The following ERICH1 variants were observed in gnomAD, a reference collection of about 807,000 sequenced individuals.
ERICH1 encodes the protein glutamate-rich protein 1.
In ERICH1, 56 loss-of-function variants were observed where a neutral mutation model predicts 39.6. That is an observed-to-expected ratio of 1.41 (90% CI 1.14 to 1.77). The LOEUF (loss-of-function observed/expected upper bound fraction) is 1.77, where lower values mean the gene tolerates loss of function less well. ERICH1 is among the 40% of genes most tolerant of loss of function. The pLI, the probability that ERICH1 is intolerant of heterozygous loss-of-function variation, is 0.00. For synonymous variants in ERICH1, 313 were observed against 223.6 expected, an observed-to-expected ratio of 1.40 and a Z score of -3.57; for missense variants, 826 against 575.4, an observed-to-expected ratio of 1.44 and a Z score of -4.45.
intron 2 of ERICH1, among the ~76,000 whole-genome samples, chr8:704,860 G>C (rs1453120613): frequency 6.6e-6 from 1 of 152,118 alleles, no homozygotes; most frequent in Non-Finnish European, 1.5e-5. Flanking sequence ...AGAGCTGGAG[G>C]GTGTGTGACT....
intron 3 of ERICH1, among the ~76,000 whole-genome samples, chr8:634,168 CAAAA>C (rs56687918): frequency 2.2e-5 from 2 of 92,002 alleles, no homozygotes; most frequent in African/African-American, 8.0e-5. Context: ...TCCTAAAACT[CAAAA>C]AAAAAAAAAA....
intron 3 of ERICH1, among the ~76,000 whole-genome samples, chr8:687,678 G>A (rs1344459228): frequency 3.3e-5 from 5 of 152,166 alleles, no homozygotes; most frequent in Non-Finnish European, 2.9e-5. Context: ...GAGGCAGGAC[G>A]CAGCGCTGAC....
chr8:694,881 C>T (rs1240115277), intron 2 of ERICH1, among the ~76,000 whole-genome samples: 2 of 152,142 alleles, frequency 1.3e-5, no homozygotes, highest in African/African-American at 2.4e-5. Context: ...TCTCCTCCGC[C>T]GGACGCACAG....
At chr8:620,806 GAGA>G (rs143887727) in intron 3 of ERICH1, among the ~76,000 whole-genome samples, 3,401 of 152,234 alleles carry the variant, frequency 0.022, 111 homozygotes, top group African/African-American at 0.077. Context: ...AAATTGAAGG[GAGA>G]AGTAGACAAT....
chr8:668,444 G>C (rs771548560), intron 5 of ERICH1, 154 bp downstream of exon 5: 14 of 682,112 alleles, frequency 2.1e-5, no homozygotes, highest in Non-Finnish European at 3.3e-5. Flanking sequence ...GATGCAGGAA[G>C]CCTGTTTCTC....
At chr8:719,083 G>A (rs914224778) in intron 1 of ERICH1, among the ~76,000 whole-genome samples, 13 of 152,140 alleles carry the variant, frequency 8.5e-5, no homozygotes, top group Non-Finnish European at 4.4e-5. Flanking sequence ...CTCCCACCGG[G>A]AGCCCAGGCC....
In ERICH1 at chr8:628,970, C is replaced by T. The variant is rs143605472; in HGVS notation, c.977-13686G>A. Reference sequence around the variant, plus strand: ...ACTAAAGGAGGTGGGAGGGAGGGCCCGGCACCCACCAAGCTGGCTTGAATC... The same window carrying T: ...ACTAAAGGAGGTGGGAGGGAGGGCCTGGCACCCACCAAGCTGGCTTGAATC... On this transcript the variant is annotated intron_variant, in intron 3 of 3. Coordinates refer to the ERICH1 transcript ENST00000522706. 9.1e-4 allele frequency among the ~76,000 whole-genome samples: 138 copies of T among 152,180 alleles called. 1 individual carries two copies. Among genetic ancestry groups the T allele is most frequent in the African/African-American group, 3.1e-3 (129 of 41,512 alleles).
chr8:708,670 C>G (rs1201515168), intron 2 of ERICH1, among the ~76,000 whole-genome samples: 1 of 101,668 alleles, frequency 9.8e-6, no homozygotes, highest in African/African-American at 3.5e-5. Flanking sequence ...TGAGTGGTTA[C>G]GGGATAATGA....
intron 3 of ERICH1, among the ~76,000 whole-genome samples, chr8:619,401 G>A (rs1407747715): frequency 6.6e-6 from 1 of 151,924 alleles, no homozygotes; most frequent in Non-Finnish European, 1.5e-5. Context: ...TTTTTAAAAT[G>A]CTTACATAAA....
At chr8:629,903 ACAG>A (rs1797872627) in intron 3 of ERICH1, among the ~76,000 whole-genome samples, 2 of 133,294 alleles carry the variant, frequency 1.5e-5, no homozygotes, top group Non-Finnish European at 3.2e-5. Context: ...ACCCACACAG[ACAG>A]AGCTGACTCA....
intron 3 of ERICH1, among the ~76,000 whole-genome samples, chr8:674,412 G>T (rs565818051): frequency 1.3e-5 from 2 of 148,236 alleles, no homozygotes; most frequent in Non-Finnish European, 1.5e-5. Flanking sequence ...AAGTGATTCC[G>T]GTACCACTGC....
At chr8:718,704 T>G (rs540290000) in intron 1 of ERICH1, among the ~76,000 whole-genome samples, 55 of 152,212 alleles carry the variant, frequency 3.6e-4, no homozygotes, top group African/African-American at 1.3e-3. Context: ...CGGAAGAGAT[T>G]TACGTGATCC....
intron 5 of ERICH1, chr8:666,484 G>A (rs2247256): frequency 0.2 from 30,366 of 152,190 alleles, 3,859 homozygotes; most frequent in Non-Finnish European, 0.28. Flanking sequence ...CGCCCTCTCC[G>A]CACACACAGG....
chr8:617,206 C>T (rs933885813), intron 3 of ERICH1, among the ~76,000 whole-genome samples: 30 of 152,100 alleles, frequency 2.0e-4, no homozygotes, highest in African/African-American at 6.8e-4. Context: ...GAGGCACTGA[C>T]GCCTTCATGA....
intron 3 of ERICH1, chr8:627,157 A>G: frequency 2.2e-6 from 1 of 456,302 alleles, no homozygotes; most frequent in South Asian, 1.5e-5. Context: ...CAGCAGACCC[A>G]GGTCTGAGCT....
chr8:663,232 C>T (rs12546439), downstream of ERICH1, among the ~76,000 whole-genome samples: 80,209 of 152,040 alleles, frequency 0.53, 21,931 homozygotes, highest in East Asian at 0.87. Flanking sequence ...CCGGCGGGGA[C>T]GCCAAGGCTT....
chr8:686,185 C>T (rs963814724), intron 3 of ERICH1, among the ~76,000 whole-genome samples: 2 of 151,946 alleles, frequency 1.3e-5, no homozygotes, highest in Non-Finnish European at 2.9e-5. Context: ...CATCTTCTAC[C>T]TTTTTTTCTC....
At chr8:722,055 G>A (rs910086682) in intron 1 of ERICH1, among the ~76,000 whole-genome samples, 9 of 152,006 alleles carry the variant, frequency 5.9e-5, no homozygotes, top group African/African-American at 1.9e-4. Flanking sequence ...TTGCAGTCAC[G>A]ACGACTCCGT....
chr8:622,784 C>T (rs1262184576), intron 3 of ERICH1, among the ~76,000 whole-genome samples: 6 of 152,098 alleles, frequency 3.9e-5, no homozygotes, highest in South Asian at 2.1e-4. Flanking sequence ...GAGACCGTGT[C>T]TCTATAAAAA....
Sources: gnomAD v4.1 joint callset for allele counts (sites outside exome capture counted in the v4.1 genomes callset) on GRCh38, gnomAD v4.1.1 for gene constraint, MANE v1.5 for transcripts, NCBI Gene and HGNC (gene_info 2026-07-23, HGNC 2026-07-21) for gene names.